TTC28: variants seen among roughly 807,000 people sequenced by gnomAD.
TTC28 encodes tetratricopeptide repeat domain 28, also known as tetratricopeptide repeat protein 28.
In TTC28, 61 loss-of-function variants were observed where a neutral mutation model predicts 198.0. The observed-to-expected ratio is 0.31, with a 90% confidence interval of 0.25 to 0.38. The LOEUF (loss-of-function observed/expected upper bound fraction) is 0.38, where lower values mean the gene tolerates loss of function less well. Among genes scored for constraint, TTC28 ranks in the 10% least tolerant of loss-of-function variants. TTC28 has a pLI of 1.00. For missense variants in TTC28, 2,678 were observed against 3,164.0 expected, an observed-to-expected ratio of 0.85 and a Z score of 3.69; for synonymous variants, 1,171 against 1,297.8, an observed-to-expected ratio of 0.90 and a Z score of 2.10.
At chr22:28,618,676 T>C in intron 2 of TTC28, among the ~76,000 whole-genome samples, 1 of 139,438 alleles carries the variant, frequency 7.2e-6, no homozygotes, top group South Asian at 2.2e-4. Context: ...AGCAAGACTC[T>C]GTCTCCAAAA....
chr22:28,047,866 T>A (rs116820051), intron 12 of TTC28, among the ~76,000 whole-genome samples: 1,584 of 152,296 alleles, frequency 0.01, 29 homozygotes, highest in African/African-American at 0.036. Flanking sequence ...CTCAGTTTTT[T>A]CTTCTGGTCC....
intron 2 of TTC28, among the ~76,000 whole-genome samples, chr22:28,388,697 C>A (rs1251998289): frequency 6.6e-6 from 1 of 152,154 alleles, no homozygotes; most frequent in Non-Finnish European, 1.5e-5. Context: ...ATTTTGTATC[C>A]TGAGAATTTG....
chr22:28,477,745 T>A (rs2048185473), intron 2 of TTC28, among the ~76,000 whole-genome samples: 1 of 152,128 alleles, frequency 6.6e-6, no homozygotes, highest in Admixed American at 6.5e-5. Flanking sequence ...TCAGCAAAGG[T>A]AAGGCAAGCA....
chr22:28,162,842 C>T (rs1018570606), intron 6 of TTC28, among the ~76,000 whole-genome samples: 4 of 152,046 alleles, frequency 2.6e-5, no homozygotes, highest in South Asian at 4.2e-4. Flanking sequence ...CCCAGCTACT[C>T]GGGAGGCTGA....
At chr22:28,292,106 A>C (rs751806320) in intron 5 of TTC28, among the ~76,000 whole-genome samples, 16 of 152,190 alleles carry the variant, frequency 1.1e-4, no homozygotes, top group Non-Finnish European at 2.2e-4. Context: ...ATTTTCATGT[A>C]ATTGTTATGT....
Position 28,593,469 on chromosome 22 carries a change from CTAGGTAGG to C in TTC28, c.381+36075_381+36082del, listed in dbSNP as rs10542907. Among the ~76,000 whole-genome samples, 711 of 148,274 alleles carry C rather than the reference CTAGGTAGG, an allele frequency of 4.8e-3. 2 individuals are homozygous for C. The highest frequency in any genetic ancestry group is 0.013 in the South Asian group (62 of 4,600). On this transcript the variant is annotated intron_variant, in intron 2 of 22. Transcript: ENST00000397906. ...GGTAGATAGGTAGATAGGTAGGTAGCTAGGTAGGTAGGTAGGTAGGTAGGTAGGTAGGT... is the reference window on the plus strand; with the variant it reads ...GGTAGATAGGTAGATAGGTAGGTAGCTAGGTAGGTAGGTAGGTAGGTAGGT...
intron 5 of TTC28, among the ~76,000 whole-genome samples, chr22:28,199,987 A>G (rs1487942241): frequency 2.6e-5 from 4 of 152,130 alleles, no homozygotes; most frequent in Non-Finnish European, 5.9e-5. Flanking sequence ...ATTATCTTTG[A>G]GCCATGAAAC....
At chr22:28,579,105 T>C (rs1205480568) in intron 2 of TTC28, among the ~76,000 whole-genome samples, 1 of 151,612 alleles carries the variant, frequency 6.6e-6, no homozygotes, top group East Asian at 1.9e-4. Context: ...GCTATATATA[T>C]GTATATAGCT....
At chr22:28,560,489 A>G (rs2049852122) in intron 2 of TTC28, among the ~76,000 whole-genome samples, 2 of 151,910 alleles carry the variant, frequency 1.3e-5, no homozygotes, top group Admixed American at 1.3e-4. Context: ...GGGCCCTCCT[A>G]CCTCTCTGAC....
chr22:27,979,083 C>T lies in TTC28; in HGVS notation c.*3138G>A, dbSNP rs558673677. The T allele has an allele frequency of 6.6e-6, 1 of 152,360 alleles. No homozygotes were observed. The highest frequency in any genetic ancestry group is 1.9e-4 in the East Asian group (1 of 5,188). 9.4% of individuals were successfully genotyped at this position (152,360 alleles called of 1,614,324 possible). ...CCTCACATACCCTGGGCTCCCCGGA[C>T]GCCAGTCAGTCTATCCACTACCTGA... On this transcript the variant is annotated 3_prime_UTR_variant, in exon 23 of 23. Coordinates refer to ENST00000397906, the MANE Select transcript of TTC28 (RefSeq NM_001145418.2).
At chr22:28,122,156 C>T (rs1942804438) in intron 6 of TTC28, among the ~76,000 whole-genome samples, 1 of 152,198 alleles carries the variant, frequency 6.6e-6, no homozygotes, top group African/African-American at 2.4e-5. Context: ...GTGTGAACCA[C>T]CGCGCTCAGC....
chr22:28,094,703 A>G (rs1240758089), intron 11 of TTC28, among the ~76,000 whole-genome samples: 1 of 152,240 alleles, frequency 6.6e-6, no homozygotes, highest in African/African-American at 2.4e-5. Flanking sequence ...AAATTATAAT[A>G]AATATGTAGT....
Position 28,549,433 on chromosome 22 carries a change from C to T in TTC28, c.381+80119G>A, listed in dbSNP as rs548948464. Among the ~76,000 whole-genome samples, 3 of 152,302 alleles carry T rather than the reference C, an allele frequency of 2.0e-5. No individual in the cohort carries two copies. In the South Asian group the frequency reaches 6.2e-4, roughly 32 times the overall value. On this transcript the variant is annotated intron_variant, in intron 2 of 22. Transcript: ENST00000397906. ...AGGGCTCTAAGTTTCTTGAGGGCAA[C>T]TATCAGGTCCTTCTTATTCATTTAC...
At chr22:28,441,079 T>C (rs2047614178) in intron 2 of TTC28, among the ~76,000 whole-genome samples, 2 of 152,128 alleles carry the variant, frequency 1.3e-5, no homozygotes, top group Non-Finnish European at 2.9e-5. Context: ...AGTGAGTAAA[T>C]ACTGCAGAGT....
Position 28,498,441 on chromosome 22 carries a change from C to T in TTC28, c.381+131111G>A, listed in dbSNP as rs1446394686. ...AGTTGAGATAAACTATTTTGGAGTACTCCCTAAACAAGACATTAATAGGGA... is the reference window on the plus strand; with the variant it reads ...AGTTGAGATAAACTATTTTGGAGTATTCCCTAAACAAGACATTAATAGGGA... On this transcript the variant is annotated intron_variant, in intron 2 of 22. Transcript: ENST00000397906. Among the ~76,000 whole-genome samples the T allele has an allele frequency of 2.6e-5, 4 of 152,106 alleles. No individual in the cohort carries two copies. In the East Asian group the frequency reaches 7.7e-4, roughly 29 times the overall value.
chr22:28,085,113 C>T (rs1019536905), intron 12 of TTC28, among the ~76,000 whole-genome samples: 6 of 151,912 alleles, frequency 3.9e-5, no homozygotes, highest in Non-Finnish European at 8.8e-5. Context: ...GAGAACTTCC[C>T]CAATCTAGCA....
intron 1 of TTC28, 59 bp from the exon 2 acceptor site, chr22:28,629,889 T>C: frequency 4.9e-6 from 7 of 1,432,260 alleles, no homozygotes; most frequent in Non-Finnish European, 6.6e-6. Context: ...GTTCCCCATC[T>C]GCTAAGATTT....
chr22:28,431,550 C>T (rs1305299988), intron 2 of TTC28, among the ~76,000 whole-genome samples: 3 of 152,190 alleles, frequency 2.0e-5, no homozygotes, highest in Admixed American at 1.3e-4. Context: ...AGTCAATAAT[C>T]TGTTAACTTA....
chr22:28,049,679 T>A (rs185317388), intron 12 of TTC28, among the ~76,000 whole-genome samples: 3 of 151,838 alleles, frequency 2.0e-5, no homozygotes, highest in Admixed American at 2.0e-4. Context: ...TAATGTGAGG[T>A]GGTAAGCATA....
Sources: gnomAD v4.1 joint callset for allele counts (sites outside exome capture counted in the v4.1 genomes callset) on GRCh38, gnomAD v4.1.1 for gene constraint, MANE v1.5 for transcripts, NCBI Gene and HGNC (gene_info 2026-07-23, HGNC 2026-07-21) for gene names.